Variants in BRAF observed in about 807,000 individuals in gnomAD.
BRAF encodes the protein serine/threonine-protein kinase B-raf.
In BRAF, 16 loss-of-function variants were observed where a neutral mutation model predicts 104.6. That is an observed-to-expected ratio of 0.15 (90% CI 0.10 to 0.23). The LOEUF (loss-of-function observed/expected upper bound fraction) is 0.23, where lower values mean the gene tolerates loss of function less well. BRAF is among the 10% of genes least tolerant of loss of function. BRAF has a pLI of 1.00. For synonymous variants in BRAF, 310 were observed against 341.6 expected, an observed-to-expected ratio of 0.91 and a Z score of 1.02; for missense variants, 541 against 937.3, an observed-to-expected ratio of 0.58 and a Z score of 5.52.
intron 1 of BRAF, among the ~76,000 whole-genome samples, chr7:140,921,783 C>T (rs1434159843): frequency 7.0e-6 from 1 of 142,274 alleles, no homozygotes; most frequent in Non-Finnish European, 1.5e-5. Context: ...TGAAATTTCC[C>T]TCTGGGAAAC....
chr7:140,715,703 T>C (rs1795116448), downstream of BRAF, among the ~76,000 whole-genome samples: 4 of 152,196 alleles, frequency 2.6e-5, no homozygotes, highest in Admixed American at 2.6e-4. Flanking sequence ...CTGTATAGCA[T>C]ATGGGAAAAT....
intron 3 of BRAF, among the ~76,000 whole-genome samples, chr7:140,824,725 G>C (rs573558303): frequency 1.3e-4 from 19 of 151,688 alleles, no homozygotes; most frequent in Non-Finnish European, 2.8e-4. Context: ...TTCCAAAGTG[G>C]TTGTACCAAT....
intron 2 of BRAF, among the ~76,000 whole-genome samples, chr7:140,841,751 A>G (rs1240095836): frequency 6.6e-6 from 1 of 152,136 alleles, no homozygotes; most frequent in East Asian, 1.9e-4. Context: ...ACTAATGCAT[A>G]AAGGGTTTCT....
At chr7:140,793,082 C>T (rs1802144677) in intron 8 of BRAF, among the ~76,000 whole-genome samples, 1 of 152,070 alleles carries the variant, frequency 6.6e-6, no homozygotes, top group Admixed American at 6.5e-5. Flanking sequence ...TTGAGATGCA[C>T]ATGAAAAGGT....
Position 140,722,068 on chromosome 7 carries a change from TTC to T in BRAF, c.*4424_*4425del, listed in dbSNP as rs1460810055. On this transcript the variant is annotated 3_prime_UTR_variant, in exon 20 of 20. Coordinates refer to ENST00000644969, the MANE Select transcript of BRAF (RefSeq NM_001374258.1). ...TACTTCAACCCTAAACTACAGCAAT[TTC>T]TGTCAACATTTCTGTTGTATAAAAG... 34 of 1,094,472 alleles carry T rather than the reference TTC, an allele frequency of 3.1e-5. No homozygotes were observed. Among genetic ancestry groups the T allele is most frequent in the African/African-American group, 8.1e-5 (5 of 62,026 alleles). 67.8% of individuals were successfully genotyped at this position (1,094,472 alleles called of 1,614,324 possible).
At chr7:140,753,456 A>C in intron 15 of BRAF, 63 bp from the exon 15 acceptor site, 2 of 1,090,024 alleles carry the variant, frequency 1.8e-6, no homozygotes, top group Non-Finnish European at 2.8e-6. Flanking sequence ...AAGCATTATG[A>C]AGAGTTTAGG....
At chr7:140,899,325 A>G (rs1355144468) in intron 1 of BRAF, among the ~76,000 whole-genome samples, 5 of 151,988 alleles carry the variant, frequency 3.3e-5, no homozygotes, top group Non-Finnish European at 7.4e-5. Flanking sequence ...GCTGGGTTTA[A>G]CAAGCCCTCC....
At position 140,833,794 on chromosome 7, in the gene BRAF, G is replaced by A. The variant is rs1482034630; in HGVS notation, c.504+815C>T. ...ATAAAAACTTACAGGCTGGTAACTC[G>A]TAACTCCATTAGTTTTCTAAACTCA... On this transcript the variant is annotated intron_variant, in intron 3 of 19. Coordinates refer to ENST00000644969, the MANE Select transcript of BRAF (RefSeq NM_001374258.1). Among the ~76,000 whole-genome samples the A allele has an allele frequency of 2.0e-5, 3 of 151,940 alleles. 1 individual carries two copies. Among genetic ancestry groups the A allele is most frequent in the African/African-American group, 4.8e-5 (2 of 41,384 alleles).
intron 17 of BRAF, among the ~76,000 whole-genome samples, chr7:140,744,293 C>T (rs1417752079): frequency 6.6e-6 from 1 of 152,230 alleles, no homozygotes; most frequent in Non-Finnish European, 1.5e-5. Flanking sequence ...GTGAGCTTCC[C>T]TGGTTGGCAA....
At chr7:140,741,956 C>CAAA (rs541718913) in intron 17 of BRAF, among the ~76,000 whole-genome samples, 6 of 140,802 alleles carry the variant, frequency 4.3e-5, no homozygotes, top group African/African-American at 1.6e-4. Context: ...GAGACTGTCT[C>CAAA]AAAAAAAAAA....
At chr7:140,794,731 T>C (rs919667325) in intron 7 of BRAF, among the ~76,000 whole-genome samples, 1 of 152,188 alleles carries the variant, frequency 6.6e-6, no homozygotes, top group African/African-American at 2.4e-5. Context: ...AATTTACTTA[T>C]GGCTAGAAAT....
rs182129023 is a variant in BRAF at position 140,722,613 on chromosome 7, C to G, written c.*3881G>C. 4.2e-5 allele frequency: 44 copies of G among 1,054,664 alleles called. No homozygotes were observed. In the African/African-American group the frequency reaches 7.1e-4, roughly 17 times the overall value. 65.3% of individuals were successfully genotyped at this position (1,054,664 alleles called of 1,614,324 possible). On this transcript the variant is annotated 3_prime_UTR_variant, in exon 20 of 20. Coordinates refer to ENST00000644969, the MANE Select transcript of BRAF (RefSeq NM_001374258.1). ...TCTCAAGGTGCTGGTATTCCTAGCA[C>G]TAACAATGCCAACTTGGACAAAGAA...
rs1795239503 is a variant in BRAF, at chr7:140,719,881, C to A, written c.*6613G>T. ...GGAACTGAAGTGTACTAAACCCGAA[C>A]CTTTGGCAGTAACAGAAAAGAGGAA... On this transcript the variant is annotated 3_prime_UTR_variant, in exon 20 of 20. Coordinates refer to ENST00000644969, the MANE Select transcript of BRAF (RefSeq NM_001374258.1). The A allele has an allele frequency of 1.3e-5, 14 of 1,062,534 alleles. No homozygotes were observed. The East Asian group carries it at 7.1e-4, about 54-fold the overall frequency. The allele number at this position is 1,062,534 out of a possible 1,614,324, so 65.8% of individuals were successfully genotyped here.
intron 1 of BRAF, among the ~76,000 whole-genome samples, chr7:140,887,344 T>A (rs971138194): frequency 1.3e-5 from 2 of 152,216 alleles, no homozygotes; most frequent in African/African-American, 4.8e-5. Flanking sequence ...TCCTTAAACA[T>A]TTTAACTTAA....
At chr7:140,760,873 G>T (rs1435888885) in intron 14 of BRAF, among the ~76,000 whole-genome samples, 3 of 152,200 alleles carry the variant, frequency 2.0e-5, no homozygotes, top group Non-Finnish European at 2.9e-5. Context: ...AAGCCTCCAA[G>T]AAATATGGGA....
At chr7:140,823,141 A>G (rs1242899955) in intron 3 of BRAF, among the ~76,000 whole-genome samples, 1 of 152,184 alleles carries the variant, frequency 6.6e-6, no homozygotes, top group Non-Finnish European at 1.5e-5. Context: ...TTACATAACT[A>G]CCATACTATT....
At chr7:140,901,396 G>C (rs1258120203) in intron 1 of BRAF, among the ~76,000 whole-genome samples, 1 of 152,124 alleles carries the variant, frequency 6.6e-6, no homozygotes, top group East Asian at 1.9e-4. Context: ...GCCTACCATA[G>C]AGCATTAAAA....
chr7:140,728,113 A>C (rs1006091953), intron 19 of BRAF, among the ~76,000 whole-genome samples: 2 of 152,222 alleles, frequency 1.3e-5, no homozygotes, highest in African/African-American at 4.8e-5. Flanking sequence ...TCAGCTTTGT[A>C]AGCTGATAGT....
intron 1 of BRAF, among the ~76,000 whole-genome samples, chr7:140,922,327 A>C (rs1818312845): frequency 6.6e-6 from 1 of 152,202 alleles, no homozygotes. Flanking sequence ...TGCTCAAGAC[A>C]TGTGCCAAAT....
Sources: gnomAD v4.1 joint callset for allele counts (sites outside exome capture counted in the v4.1 genomes callset) on GRCh38, gnomAD v4.1.1 for gene constraint, MANE v1.5 for transcripts, NCBI Gene and HGNC (gene_info 2026-07-23, HGNC 2026-07-21) for gene names.